The following TOM1L2 variants were observed in gnomAD, a reference collection of about 807,000 sequenced individuals.
TOM1L2 encodes the protein target of myb1 like 2 membrane trafficking protein, also known as TOM1-like protein 2.
A neutral mutation model predicts 67.9 loss-of-function variants in TOM1L2; 31 were observed. That is an observed-to-expected ratio of 0.46 (90% CI 0.34 to 0.62). TOM1L2 has a LOEUF of 0.62. TOM1L2 is among the 20% of genes least tolerant of loss of function. The pLI is 0.01. For synonymous variants in TOM1L2, 256 were observed against 254.0 expected, an observed-to-expected ratio of 1.01 and a Z score of -0.07; for missense variants, 606 against 663.5, an observed-to-expected ratio of 0.91 and a Z score of 0.95.
intron 1 of TOM1L2, among the ~76,000 whole-genome samples, chr17:17,970,576 A>C (rs142813134): frequency 8.5e-5 from 13 of 152,326 alleles, no homozygotes; most frequent in African/African-American, 2.9e-4. Context: ...ATGGGGAAGA[A>C]GTAAGGAAGT....
intron 2 of TOM1L2, among the ~76,000 whole-genome samples, chr17:17,900,597 C>T (rs767382159): frequency 3.3e-5 from 5 of 149,926 alleles, no homozygotes; most frequent in African/African-American, 9.8e-5. Flanking sequence ...AATTTTAAAA[C>T]ACCCTGAATC....
At chr17:17,862,555 G>A (rs957749933) in intron 11 of TOM1L2, 176 bp downstream of exon 11, 1 of 616,520 alleles carries the variant, frequency 1.6e-6, no homozygotes, top group South Asian at 2.0e-5. Context: ...GGGAGGAGGT[G>A]GGCAGTTGGT....
chr17:17,901,934 A>G (rs2038877172), intron 2 of TOM1L2, among the ~76,000 whole-genome samples: 1 of 152,234 alleles, frequency 6.6e-6, no homozygotes, highest in African/African-American at 2.4e-5. Context: ...CTGTAATCCC[A>G]GCACTTTAGA....
chr17:17,913,214 A>AGGGAGAGGGAGACCGTGGGGAGAC (rs2039478578), intron 1 of TOM1L2, among the ~76,000 whole-genome samples: 1 of 149,518 alleles, frequency 6.7e-6, no homozygotes, highest in Non-Finnish European at 1.5e-5. Flanking sequence ...GAGACGGGAG[A>AGGGAGAGGGAGACCGTGGGGAGAC]GGGAGAGGGA....
chr17:17,910,279 G>C (rs758261479), intron 1 of TOM1L2, among the ~76,000 whole-genome samples: 1 of 152,182 alleles, frequency 6.6e-6, no homozygotes, highest in Non-Finnish European at 1.5e-5. Context: ...TACAGCCAGG[G>C]TCACTTGACT....
At chr17:17,924,851 A>G (rs1262620450) in intron 1 of TOM1L2, among the ~76,000 whole-genome samples, 1 of 152,244 alleles carries the variant, frequency 6.6e-6, no homozygotes, top group African/African-American at 2.4e-5. Context: ...ACTGAATATT[A>G]TATAGCTATT....
In TOM1L2 at chr17:17,854,627, T is replaced by C. The variant is rs557743608; in HGVS notation, c.1279-3675A>G. ...GCGACCTCTGCTTCCCAGGTTCAGA[T>C]AATCCTTGTGCCTCAGCCTCCTGAG... is the stretch of plus-strand genomic sequence containing the variant. On this transcript the variant is annotated intron_variant, in intron 12 of 14. Transcript: ENST00000379504. Among the ~76,000 whole-genome samples, 4 of 152,234 alleles carry C rather than the reference T, an allele frequency of 2.6e-5. No homozygotes were observed. In the South Asian group the frequency reaches 6.2e-4, roughly 24 times the overall value.
rs1006407892 is a variant in TOM1L2, at chr17:17,907,332, C to T, written c.137+115G>A. Reference sequence around the variant, plus strand: ...GAGTGTCAGCTTATTCGATGCCAAACCAAACATACTAGGAACAAAACAAAA... The same window carrying T: ...GAGTGTCAGCTTATTCGATGCCAAATCAAACATACTAGGAACAAAACAAAA... On this transcript the variant is annotated intron_variant, in intron 2 of 14. Coordinates refer to ENST00000379504, the MANE Select transcript of TOM1L2 (RefSeq NM_001082968.2). 6 of 885,616 alleles carry T rather than the reference C, an allele frequency of 6.8e-6. No homozygotes were observed. In the African/African-American group the frequency reaches 1.0e-4, roughly 15 times the overall value. 54.9% of individuals were successfully genotyped at this position (885,616 alleles called of 1,614,324 possible).
chr17:17,959,422 G>A (rs1597468783), intron 1 of TOM1L2, among the ~76,000 whole-genome samples: 1 of 152,124 alleles, frequency 6.6e-6, no homozygotes, highest in Admixed American at 6.6e-5. Flanking sequence ...ACCCTCTCTG[G>A]CCTTGTTTCC....
intron 1 of TOM1L2, among the ~76,000 whole-genome samples, chr17:17,920,666 A>G (rs1384568886): frequency 7.6e-6 from 1 of 132,152 alleles, no homozygotes; most frequent in Non-Finnish European, 1.6e-5. Flanking sequence ...ACGGAGTATC[A>G]CCCTGTTGCC....
intron 1 of TOM1L2, among the ~76,000 whole-genome samples, chr17:17,942,899 A>C (rs2040794575): frequency 2.0e-5 from 3 of 152,210 alleles, no homozygotes; most frequent in Admixed American, 2.0e-4. Flanking sequence ...AGAGACATGA[A>C]GACTGTTAGA....
At chr17:17,913,850 A>G (rs892441540) in intron 1 of TOM1L2, among the ~76,000 whole-genome samples, 11 of 152,130 alleles carry the variant, frequency 7.2e-5, no homozygotes, top group Non-Finnish European at 1.2e-4. Flanking sequence ...CATTGATTTA[A>G]TATTTCCTCT....
intron 1 of TOM1L2, among the ~76,000 whole-genome samples, chr17:17,926,211 A>G (rs140637306): frequency 6.8e-4 from 103 of 152,040 alleles, no homozygotes; most frequent in African/African-American, 2.3e-3. Context: ...CAAGCTTTCA[A>G]GCTGGCCTAA....
intron 1 of TOM1L2, among the ~76,000 whole-genome samples, chr17:17,935,892 G>A (rs1037701501): frequency 2.0e-5 from 3 of 151,976 alleles, no homozygotes; most frequent in Non-Finnish European, 4.4e-5. Flanking sequence ...GACTCACACT[G>A]GTGGTGCCTG....
chr17:17,867,102 C>T (rs546027669), intron 8 of TOM1L2, among the ~76,000 whole-genome samples, 178 bp from the exon 9 acceptor site: 1 of 152,004 alleles, frequency 6.6e-6, no homozygotes, highest in East Asian at 1.9e-4. Context: ...GGGGCTCCCC[C>T]TGAGAGGATC....
intron 1 of TOM1L2, among the ~76,000 whole-genome samples, chr17:17,934,972 C>A (rs1167132012): frequency 6.6e-6 from 1 of 152,262 alleles, no homozygotes; most frequent in Admixed American, 6.5e-5. Flanking sequence ...AGCTATCCTG[C>A]ACATAGCAAT....
intron 13 of TOM1L2, among the ~76,000 whole-genome samples, chr17:17,849,562 G>A (rs1461484710): frequency 1.3e-5 from 2 of 152,240 alleles, no homozygotes; most frequent in Non-Finnish European, 2.9e-5. Flanking sequence ...CATCAGACTT[G>A]ATTTTGTTTG....
intron 1 of TOM1L2, among the ~76,000 whole-genome samples, chr17:17,946,938 T>C (rs935030924): frequency 1.3e-5 from 2 of 152,210 alleles, no homozygotes; most frequent in Non-Finnish European, 2.9e-5. Flanking sequence ...TTGGCCAGGC[T>C]GGTCTCGAGC....
intron 1 of TOM1L2, among the ~76,000 whole-genome samples, chr17:17,971,255 T>A (rs569725615): frequency 1.3e-5 from 2 of 152,156 alleles, no homozygotes; most frequent in Non-Finnish European, 2.9e-5. Context: ...TTAAGGGATC[T>A]ATCACATCTC....
Sources: allele counts gnomAD v4.1 joint callset (sites outside exome capture counted in the v4.1 genomes callset), GRCh38; gene constraint gnomAD v4.1.1; transcripts MANE v1.5; gene names NCBI Gene and HGNC (gene_info 2026-07-23, HGNC 2026-07-21).